The following MCC variants were observed in gnomAD, a reference collection of about 807,000 sequenced individuals.
MCC encodes the protein colorectal mutant cancer protein.
MCC carries 90 observed loss-of-function variants against 116.2 expected under a neutral mutation model. That is an observed-to-expected ratio of 0.77 (90% CI 0.65 to 0.92). The LOEUF (loss-of-function observed/expected upper bound fraction) is 0.92. MCC is among the 40% of genes least tolerant of loss of function. MCC has a pLI of 0.00. For missense variants in MCC, 1,516 were observed against 1,312.2 expected (o/e 1.16, Z -2.40); for synonymous variants, 578 against 510.5 (o/e 1.13, Z -1.78).
intron 3 of MCC, among the ~76,000 whole-genome samples, chr5:113,299,649 G>A (rs752236486): frequency 6.6e-5 from 10 of 152,284 alleles, no homozygotes; most frequent in Admixed American, 1.3e-4. Flanking sequence ...GCTTGCCAGC[G>A]TTTACCAAGT....
chr5:113,196,164 C>T lies in MCC; in HGVS notation c.628-44742G>A, dbSNP rs143502302. Among the ~76,000 whole-genome samples, 224 of 152,236 alleles carry T rather than the reference C, an allele frequency of 1.5e-3. No homozygotes were observed. In the Middle Eastern group the frequency reaches 0.017, roughly 12 times the overall value. On this transcript the variant is annotated intron_variant, in intron 3 of 18. Transcript: ENST00000408903. Reference sequence around the variant, plus strand: ...GGTGATATACCTATGGGTGAGATACCGTAAGTAATGGGAAATATCTTCATT... The same window carrying T: ...GGTGATATACCTATGGGTGAGATACTGTAAGTAATGGGAAATATCTTCATT...
At chr5:113,324,058 C>T (rs1355699757) in intron 3 of MCC, among the ~76,000 whole-genome samples, 1 of 152,144 alleles carries the variant, frequency 6.6e-6, no homozygotes, top group East Asian at 1.9e-4. Context: ...ATTACTCTTG[C>T]TATTATTCCA....
intron 11 of MCC, among the ~76,000 whole-genome samples, chr5:113,077,877 T>C (rs944216684): frequency 5.9e-5 from 9 of 152,096 alleles, no homozygotes; most frequent in African/African-American, 1.2e-4. Context: ...AGCTGGTTTT[T>C]TGAAAGGATC....
At chr5:113,283,075 C>G (rs1196016667) in intron 3 of MCC, among the ~76,000 whole-genome samples, 1 of 152,246 alleles carries the variant, frequency 6.6e-6, no homozygotes, top group South Asian at 2.1e-4. Context: ...CCCGACAAAG[C>G]ATCAGAATGC....
chr5:113,068,576 G>A (rs1753792278), intron 12 of MCC, among the ~76,000 whole-genome samples: 1 of 152,208 alleles, frequency 6.6e-6, no homozygotes, highest in African/African-American at 2.4e-5. Context: ...GTTGGTCTGT[G>A]TGACAGAAGT....
intron 1 of MCC, among the ~76,000 whole-genome samples, chr5:113,465,298 CA>C (rs1771870563): frequency 6.6e-6 from 1 of 151,782 alleles, no homozygotes; most frequent in Admixed American, 6.6e-5. Context: ...AGATTCATCA[CA>C]TGGAAGTAGG....
At chr5:113,070,831 T>A (rs961939852) in intron 12 of MCC, among the ~76,000 whole-genome samples, 2 of 152,192 alleles carry the variant, frequency 1.3e-5, no homozygotes, top group African/African-American at 4.8e-5. Flanking sequence ...GAAATGAACA[T>A]GTAACATGCC....
intron 3 of MCC, among the ~76,000 whole-genome samples, chr5:113,180,370 A>T (rs1561433067): frequency 6.6e-6 from 1 of 152,182 alleles, no homozygotes; most frequent in African/African-American, 2.4e-5. Context: ...GGCATGACTC[A>T]GATTTATGGA....
intron 1 of MCC, among the ~76,000 whole-genome samples, chr5:113,395,487 T>C (rs553290996): frequency 7.9e-5 from 12 of 152,330 alleles, no homozygotes; most frequent in Admixed American, 7.2e-4. Flanking sequence ...CTACTCTATG[T>C]TCACCTTATC....
chr5:113,053,771 A>C lies in MCC; in HGVS notation c.2402T>G (p.Leu801Arg). 6 of 1,613,658 alleles carry C rather than the reference A, an allele frequency of 3.7e-6. No homozygotes were observed. The highest frequency in any genetic ancestry group is 5.1e-6 in the Non-Finnish European group (6 of 1,179,596). Residue 801 changes from leucine (L) to arginine (R), a missense_variant, in exon 15 of 19, where the codon CTG becomes CGG. Coordinates refer to ENST00000408903, the MANE Select transcript of MCC (RefSeq NM_001085377.2). ...DVKPRGDSQR[L>R]DLENAVLMQE... ...CATAAGCACTGCGTTTTCCAGATCC[A>C]GCCTCTGGCTGTCTCCCCGAGGCTT...
chr5:113,354,802 A>ATTATTATTATTATTATTG (rs59377042), intron 2 of MCC, among the ~76,000 whole-genome samples: 5,540 of 148,414 alleles, frequency 0.037, 281 homozygotes, highest in African/African-American at 0.11. Context: ...TATTATTATT[A>ATTATTATTATTATTATTG]TTATTCAACA....
chr5:113,036,884 G>T (rs1751366064), intron 17 of MCC, among the ~76,000 whole-genome samples: 1 of 152,156 alleles, frequency 6.6e-6, no homozygotes, highest in Admixed American at 6.5e-5. Flanking sequence ...CTTGGCTCTG[G>T]GGCTCAGCAG....
chr5:113,349,495 C>A (rs935074178), intron 2 of MCC, among the ~76,000 whole-genome samples: 6 of 152,014 alleles, frequency 3.9e-5, no homozygotes, highest in African/African-American at 1.4e-4. Context: ...AATTCAATAT[C>A]CCTTCATGAT....
chr5:113,435,206 GCT>G, intron 1 of MCC: 1 of 221,978 alleles, frequency 4.5e-6, no homozygotes, highest in Non-Finnish European at 9.0e-6. Context: ...GCCTGCCCAT[GCT>G]TCCAAACCCA....
At chr5:113,263,980 A>C (rs1765314709) in intron 3 of MCC, among the ~76,000 whole-genome samples, 1 of 152,106 alleles carries the variant, frequency 6.6e-6, no homozygotes, top group African/African-American at 2.4e-5. Context: ...AAACCACCTG[A>C]TTTTGCCTAA....
chr5:113,216,768 G>T (rs1259310552), intron 3 of MCC, among the ~76,000 whole-genome samples: 1 of 152,148 alleles, frequency 6.6e-6, no homozygotes, highest in South Asian at 2.1e-4. Flanking sequence ...TAGAAACCCC[G>T]AATAGGGGAT....
At chr5:113,106,072 A>G (rs186816746) in intron 6 of MCC, among the ~76,000 whole-genome samples, 1 of 152,244 alleles carries the variant, frequency 6.6e-6, no homozygotes, top group African/African-American at 2.4e-5. Flanking sequence ...AGTGAGAACC[A>G]CTGATCTGAT....
chr5:113,418,868 T>C (rs779259204), intron 1 of MCC, among the ~76,000 whole-genome samples: 3 of 152,186 alleles, frequency 2.0e-5, no homozygotes, highest in South Asian at 2.1e-4. Flanking sequence ...TGAGTTTCCA[T>C]GCTGCATCAA....
chr5:113,375,953 T>C (rs896995457), intron 2 of MCC, among the ~76,000 whole-genome samples: 2 of 152,208 alleles, frequency 1.3e-5, no homozygotes, highest in Non-Finnish European at 2.9e-5. Flanking sequence ...CACATTCTCT[T>C]TCTTCTGTCA....
Sources: gnomAD v4.1 joint callset for allele counts (sites outside exome capture counted in the v4.1 genomes callset) on GRCh38, gnomAD v4.1.1 for gene constraint, MANE v1.5 for transcripts, NCBI Gene and HGNC (gene_info 2026-07-23, HGNC 2026-07-21) for gene names.